The following FAAH2 variants were observed in gnomAD, a reference collection of about 807,000 sequenced individuals.
FAAH2 encodes fatty acid amide hydrolase 2.
A neutral mutation model predicts 36.9 loss-of-function variants in FAAH2; 60 were observed. That is an observed-to-expected ratio of 1.63 (90% CI 1.32 to 2.02). The LOEUF is 2.02. Among genes scored for constraint, FAAH2 ranks in the 30% most tolerant of loss-of-function variants. FAAH2 has a pLI of 0.00. For synonymous variants in FAAH2, 214 were observed against 143.8 expected (o/e 1.49, Z -3.49); for missense variants, 689 against 397.5 (o/e 1.73, Z -6.23).
At chrX:57,430,646 A>C (rs2056273578) in intron 7 of FAAH2, among the ~76,000 whole-genome samples, 1 of 112,336 alleles carries the variant, frequency 8.9e-6, no homozygotes, top group African/African-American at 3.2e-5. Flanking sequence ...ATAGGTCTGC[A>C]TCAGTCAGAT....
At chrX:57,421,666 G>A (rs767388567) in intron 7 of FAAH2, among the ~76,000 whole-genome samples, 9 of 111,490 alleles carry the variant, frequency 8.1e-5, no homozygotes, top group Non-Finnish European at 1.3e-4. Context: ...TCTAGATACA[G>A]TCACATTAAG....
intron 10 of FAAH2, among the ~76,000 whole-genome samples, chrX:57,454,030 A>G (rs957950161): frequency 1.8e-5 from 2 of 110,928 alleles, no homozygotes; most frequent in Middle Eastern, 4.7e-3. Flanking sequence ...GGGCTCCTCC[A>G]AAGCCCAGGA....
chrX:57,251,834 C>G, the FAAH2 span, among the ~76,000 whole-genome samples: 1 of 111,743 alleles, frequency 8.9e-6, no homozygotes, highest in African/African-American at 3.3e-5. Flanking sequence ...GTTCATCTCA[C>G]TAGGAATGGT....
the FAAH2 span, among the ~76,000 whole-genome samples, chrX:57,224,311 C>A: frequency 3.1e-4 from 35 of 111,848 alleles, no homozygotes; most frequent in Admixed American, 1.9e-3. Context: ...TAAATACCAA[C>A]CCGTCTCTCA....
the FAAH2 span, among the ~76,000 whole-genome samples, chrX:57,186,204 C>A: frequency 3.6e-5 from 4 of 111,898 alleles, no homozygotes; most frequent in East Asian, 1.1e-3. Context: ...AAAAGTGTTC[C>A]TTTTCCTCCA....
At chrX:57,329,950 T>C (rs1310797228) in intron 3 of FAAH2, among the ~76,000 whole-genome samples, 1 of 112,201 alleles carries the variant, frequency 8.9e-6, no homozygotes, top group Non-Finnish European at 1.9e-5. Flanking sequence ...TGATTTCCTA[T>C]GCCTGTCTTT....
At chrX:57,268,126 G>A in the FAAH2 span, among the ~76,000 whole-genome samples, 1 of 111,811 alleles carries the variant, frequency 8.9e-6, no homozygotes, top group African/African-American at 3.3e-5. Flanking sequence ...GAAGCTGACA[G>A]ACAAAATAGC....
the FAAH2 span, chrX:57,229,406 A>T: frequency 8.9e-6 from 1 of 111,831 alleles, no homozygotes; most frequent in Non-Finnish European, 1.9e-5. Flanking sequence ...CTCTTCCTTC[A>T]CCCATGAAGG....
At chrX:57,156,563 T>C in the FAAH2 span, among the ~76,000 whole-genome samples, 2 of 112,096 alleles carry the variant, frequency 1.8e-5, no homozygotes, top group African/African-American at 6.5e-5. Context: ...CAGTATTAAG[T>C]GACCTAAGCC....
intron 7 of FAAH2, among the ~76,000 whole-genome samples, chrX:57,384,317 G>A (rs1330823923): frequency 9.7e-6 from 1 of 102,616 alleles, no homozygotes; most frequent in Admixed American, 1.1e-4. Flanking sequence ...AGCCAAAATT[G>A]ACAAATGGGA....
intron 7 of FAAH2, among the ~76,000 whole-genome samples, chrX:57,420,342 C>T (rs940250471): frequency 1.8e-5 from 2 of 111,755 alleles, no homozygotes; most frequent in African/African-American, 6.5e-5. Context: ...TTGATTCTTC[C>T]TACCCATGAG....
Position 57,424,801 on chromosome X carries a change from A to T in FAAH2, c.997-7117A>T, listed in dbSNP as rs183536487. 3.0e-4 allele frequency among the ~76,000 whole-genome samples: 34 copies of T among 112,300 alleles called. No individual in the cohort carries two copies. The East Asian group carries it at 8.6e-3, about 29-fold the overall frequency. ...TCTCCAGATGAGGAGAAAGCAGTGT[A>T]ACAATTCTGGAAATATGAAAAAATG... On this transcript the variant is annotated intron_variant, in intron 7 of 10. Coordinates refer to ENST00000374900, the MANE Select transcript of FAAH2 (RefSeq NM_174912.4).
At chrX:57,200,896 CA>C in the FAAH2 span, among the ~76,000 whole-genome samples, 1 of 110,545 alleles carries the variant, frequency 9.0e-6, no homozygotes, top group Non-Finnish European at 1.9e-5. Context: ...TGATCATAAA[CA>C]TTCTTTTTTT....
chrX:57,483,282 T>G (rs2057413196), intron 10 of FAAH2, among the ~76,000 whole-genome samples: 1 of 111,804 alleles, frequency 8.9e-6, no homozygotes, highest in Admixed American at 9.5e-5. Flanking sequence ...TGAAATTCTT[T>G]CTTCTACTTG....
chrX:57,420,409 G>A (rs746653465), intron 7 of FAAH2, among the ~76,000 whole-genome samples: 12 of 111,539 alleles, frequency 1.1e-4, no homozygotes, highest in Middle Eastern at 4.6e-3. Context: ...GCAGTGGTTC[G>A]TAGTTCTCCT....
chrX:57,396,875 AG>A (rs1348739114), intron 7 of FAAH2, among the ~76,000 whole-genome samples: 1 of 111,686 alleles, frequency 9.0e-6, no homozygotes, highest in Non-Finnish European at 1.9e-5. Flanking sequence ...GTCCAATTTA[AG>A]TCCAGAGTTT....
At chrX:57,182,178 C>A in the FAAH2 span, among the ~76,000 whole-genome samples, 2 of 111,840 alleles carry the variant, frequency 1.8e-5, no homozygotes, top group Non-Finnish European at 3.8e-5. Context: ...TAGGAACTTG[C>A]AAAGAGTTTA....
chrX:57,404,178 C>A (rs892800134), intron 7 of FAAH2, among the ~76,000 whole-genome samples: 2 of 112,234 alleles, frequency 1.8e-5, no homozygotes, highest in Non-Finnish European at 3.8e-5. Flanking sequence ...TTTACACTGA[C>A]AACAAAGTGG....
Sources: allele counts gnomAD v4.1 joint callset (sites outside exome capture counted in the v4.1 genomes callset), GRCh38; gene constraint gnomAD v4.1.1; transcripts MANE v1.5; gene names NCBI Gene and HGNC (gene_info 2026-07-23, HGNC 2026-07-21).